Variants in ADAMTS12 observed in about 807,000 individuals in gnomAD.
ADAMTS12 encodes ADAM metallopeptidase with thrombospondin type 1 motif 12.
Under a neutral mutation model 167.8 loss-of-function variants are expected in ADAMTS12, and 118 were observed. The observed-to-expected ratio is 0.70, with a 90% CI of 0.61 to 0.82. The LOEUF (loss-of-function observed/expected upper bound fraction) is 0.82. Ranked by LOEUF, ADAMTS12 falls within the 40% of genes least tolerant of loss-of-function variation. The probability of loss-of-function intolerance (pLI) is 0.00; values close to 1 mark genes in which losing one functional copy is unlikely to be tolerated. For missense variants in ADAMTS12, 1,916 were observed against 1,998.8 expected (o/e 0.96, Z 0.79); for synonymous variants, 704 against 716.9 (o/e 0.98, Z 0.29).
chr5:33,767,502 A>G (rs1200435913), intron 2 of ADAMTS12, among the ~76,000 whole-genome samples: 3 of 152,184 alleles, frequency 2.0e-5, no homozygotes, highest in Non-Finnish European at 4.4e-5. Flanking sequence ...AGAATGTATT[A>G]CAATGTTTTA....
intron 7 of ADAMTS12, among the ~76,000 whole-genome samples, chr5:33,657,798 C>T (rs1741112183): frequency 6.6e-6 from 1 of 152,090 alleles, no homozygotes; most frequent in Admixed American, 6.6e-5. Flanking sequence ...AAGTAAGGTG[C>T]AAAAATGTTA....
intron 14 of ADAMTS12, among the ~76,000 whole-genome samples, chr5:33,619,727 G>A (rs1018358345): frequency 3.3e-5 from 5 of 151,892 alleles, no homozygotes; most frequent in Non-Finnish European, 5.9e-5. Flanking sequence ...ATGGAGTCTC[G>A]CTCTGTCACC....
At position 33,571,996 on chromosome 5, in the gene ADAMTS12, A is replaced by G. The variant is rs533967716; in HGVS notation, c.3972+4058T>C. Among the ~76,000 whole-genome samples, 264 of 152,382 alleles carry G rather than the reference A, an allele frequency of 1.7e-3. 2 individuals carry two copies. The highest frequency in any genetic ancestry group is 5.7e-3 in the African/African-American group (239 of 41,596). ...TCTACACAAATAAATTAGAAAATCT[A>G]GAAGAAATGGATAAATTCCTCGACA... On this transcript the variant is annotated intron_variant, in intron 19 of 23. Transcript: ENST00000504830.
intron 5 of ADAMTS12, among the ~76,000 whole-genome samples, chr5:33,664,925 A>G (rs962584125): frequency 6.6e-6 from 1 of 152,188 alleles, no homozygotes; most frequent in Admixed American, 6.5e-5. Context: ...AAGAAACTGT[A>G]AGGTATACAT....
chr5:33,546,752 A>C (rs1264161622), intron 21 of ADAMTS12, among the ~76,000 whole-genome samples: 1 of 152,236 alleles, frequency 6.6e-6, no homozygotes, highest in Admixed American at 6.5e-5. Flanking sequence ...GAAACATGTC[A>C]GGTTTTTGCT....
At chr5:33,676,225 T>G (rs1414976819) in intron 5 of ADAMTS12, among the ~76,000 whole-genome samples, 1 of 152,174 alleles carries the variant, frequency 6.6e-6, no homozygotes, top group Non-Finnish European at 1.5e-5. Context: ...AGAACGTGGC[T>G]TTTGTTAAAA....
intron 3 of ADAMTS12, among the ~76,000 whole-genome samples, chr5:33,687,679 A>G (rs1220023353): frequency 6.6e-6 from 1 of 152,208 alleles, no homozygotes; most frequent in Non-Finnish European, 1.5e-5. Context: ...CGGAAGTGGT[A>G]AGATCTGAAC....
chr5:33,823,471 C>T (rs1051616790), intron 2 of ADAMTS12, among the ~76,000 whole-genome samples: 6 of 152,078 alleles, frequency 3.9e-5, no homozygotes, highest in Non-Finnish European at 7.4e-5. Context: ...CACTAGCAAA[C>T]AAGGTACAAA....
At chr5:33,805,772 C>T (rs1163538173) in intron 2 of ADAMTS12, among the ~76,000 whole-genome samples, 1 of 151,818 alleles carries the variant, frequency 6.6e-6, no homozygotes. Context: ...TGCCTTAATC[C>T]CAGCACTTTG....
At chr5:33,569,374 G>A (rs1221584194) in intron 19 of ADAMTS12, among the ~76,000 whole-genome samples, 4 of 152,162 alleles carry the variant, frequency 2.6e-5, no homozygotes, top group Non-Finnish European at 5.9e-5. Flanking sequence ...CACCTCACAC[G>A]GTCAGGTACT....
At chr5:33,659,609 A>G (rs1741183813) in intron 6 of ADAMTS12, among the ~76,000 whole-genome samples, 1 of 152,336 alleles carries the variant, frequency 6.6e-6, no homozygotes, top group East Asian at 1.9e-4. Flanking sequence ...AGTGGCTAAC[A>G]AAAGAATTAT....
chr5:33,844,342 A>T (rs1272935531), intron 2 of ADAMTS12, among the ~76,000 whole-genome samples: 1 of 152,254 alleles, frequency 6.6e-6, no homozygotes, highest in Non-Finnish European at 1.5e-5. Flanking sequence ...CTCTTCTTTC[A>T]AAAGCAAACA....
intron 16 of ADAMTS12, 43 bp downstream of exon 16, chr5:33,614,195 C>T: frequency 6.2e-7 from 1 of 1,603,396 alleles, no homozygotes. Flanking sequence ...ACAAACTGCT[C>T]TGAGGCTGGC....
rs114505361 is a variant in ADAMTS12, at chr5:33,809,844, A to G, written c.490-58296T>C. Among the ~76,000 whole-genome samples the G allele has an allele frequency of 7.1e-3, 1,083 of 152,122 alleles. 12 individuals carry two copies. Among genetic ancestry groups the G allele is most frequent in the African/African-American group, 0.023 (946 of 41,502 alleles). On this transcript the variant is annotated intron_variant, in intron 2 of 23. Coordinates refer to ENST00000504830, the MANE Select transcript of ADAMTS12 (RefSeq NM_030955.4). ...GAGCATGCTGGAGAGACAGAGTTCC[A>G]GGCAGATGGGAGGCAGTACCAATTC...
chr5:33,774,749 C>T (rs1056351266), intron 2 of ADAMTS12, among the ~76,000 whole-genome samples: 1 of 152,152 alleles, frequency 6.6e-6, no homozygotes, highest in Non-Finnish European at 1.5e-5. Flanking sequence ...TCTGTCTTGG[C>T]ATTCTTATCC....
chr5:33,689,520 A>G (rs1742475956), intron 3 of ADAMTS12, among the ~76,000 whole-genome samples: 1 of 152,162 alleles, frequency 6.6e-6, no homozygotes, highest in Admixed American at 6.5e-5. Context: ...TTTGTCTACG[A>G]GTGCAGTAGG....
chr5:33,848,420 T>G (rs1010523495), intron 2 of ADAMTS12, among the ~76,000 whole-genome samples: 3 of 152,142 alleles, frequency 2.0e-5, no homozygotes, highest in Non-Finnish European at 1.5e-5. Flanking sequence ...CAGAAGCTTC[T>G]GTGAATGTGA....
In ADAMTS12 at chr5:33,542,419, C is replaced by A. The variant is rs534692010; in HGVS notation, c.4446+3640G>T. ...ACTCCCACACAATAATAATGGGAGA[C>A]TTTAACACCCCACTGTCAATATTAG... On this transcript the variant is annotated intron_variant, in intron 22 of 23. Coordinates refer to ENST00000504830, the MANE Select transcript of ADAMTS12 (RefSeq NM_030955.4). 9.9e-5 allele frequency among the ~76,000 whole-genome samples: 15 copies of A among 152,224 alleles called. No individual in the cohort carries two copies. The South Asian group carries it at 1.0e-3, about 11-fold the overall frequency.
At chr5:33,878,550 A>T (rs1212565452) in intron 2 of ADAMTS12, among the ~76,000 whole-genome samples, 1 of 152,238 alleles carries the variant, frequency 6.6e-6, no homozygotes, top group Non-Finnish European at 1.5e-5. Flanking sequence ...ATAATGCTAA[A>T]CAATATGCAA....
Sources: gnomAD v4.1 joint callset for allele counts (sites outside exome capture counted in the v4.1 genomes callset) on GRCh38, gnomAD v4.1.1 for gene constraint, MANE v1.5 for transcripts, NCBI Gene and HGNC (gene_info 2026-07-23, HGNC 2026-07-21) for gene names.